Variants in LYPLAL1 observed in about 807,000 individuals in gnomAD.
LYPLAL1 encodes the protein lysophospholipase like 1.
In LYPLAL1, 23 loss-of-function variants were observed where a neutral mutation model predicts 19.7. The observed-to-expected ratio is 1.17, with a 90% CI of 0.84 to 1.65. LYPLAL1 has a LOEUF of 1.65. LYPLAL1 is among the 40% of genes most tolerant of loss of function. The pLI, the probability that LYPLAL1 is intolerant of heterozygous loss-of-function variation, is 0.00. For synonymous variants in LYPLAL1, 119 were observed against 96.3 expected, an observed-to-expected ratio of 1.24 and a Z score of -1.38; for missense variants, 355 against 279.4, an observed-to-expected ratio of 1.27 and a Z score of -1.93.
At chr1:219,305,045 C>A in the LYPLAL1 span, among the ~76,000 whole-genome samples, 1 of 152,190 alleles carries the variant, frequency 6.6e-6, no homozygotes, top group African/African-American at 2.4e-5. Context: ...ACATTACTCA[C>A]TGGTTCGGCA....
At chr1:219,267,601 T>C in the LYPLAL1 span, among the ~76,000 whole-genome samples, 1 of 152,204 alleles carries the variant, frequency 6.6e-6, no homozygotes, top group South Asian at 2.1e-4. Context: ...TCATTAATGT[T>C]TATAGAAATC....
At chr1:219,229,807 A>G in the LYPLAL1 span, among the ~76,000 whole-genome samples, 1 of 152,210 alleles carries the variant, frequency 6.6e-6, no homozygotes, top group South Asian at 2.1e-4. Flanking sequence ...CGAGGGGGAC[A>G]AGGGAACTTT....
At chr1:219,191,539 G>A (rs1657182853) in intron 2 of LYPLAL1, among the ~76,000 whole-genome samples, 1 of 151,556 alleles carries the variant, frequency 6.6e-6, no homozygotes, top group African/African-American at 2.4e-5. Flanking sequence ...AAAAGAAATA[G>A]TGTGCCAAGA....
At chr1:219,302,766 G>C in the LYPLAL1 span, among the ~76,000 whole-genome samples, 2 of 151,962 alleles carry the variant, frequency 1.3e-5, no homozygotes, top group African/African-American at 4.8e-5. Context: ...CTTTGTCTGG[G>C]ATGCCCACTT....
chr1:219,368,798 A>G, the LYPLAL1 span, among the ~76,000 whole-genome samples: 2 of 152,264 alleles, frequency 1.3e-5, no homozygotes, highest in Admixed American at 1.3e-4. Flanking sequence ...TTTACTATGT[A>G]CAATTCAAAC....
At chr1:219,229,291 T>C in the LYPLAL1 span, among the ~76,000 whole-genome samples, 1 of 110,300 alleles carries the variant, frequency 9.1e-6, no homozygotes, top group African/African-American at 4.1e-5. Flanking sequence ...AGGACAAGCA[T>C]TTTGAGAGAG....
chr1:219,307,903 T>G, the LYPLAL1 span, among the ~76,000 whole-genome samples: 1 of 152,228 alleles, frequency 6.6e-6, no homozygotes, highest in African/African-American at 2.4e-5. Context: ...CATATGGAAC[T>G]GTAAGTCCAA....
chr1:219,257,665 C>G, the LYPLAL1 span, among the ~76,000 whole-genome samples: 5 of 151,872 alleles, frequency 3.3e-5, no homozygotes, highest in Admixed American at 3.3e-4. Flanking sequence ...GATTGCAAGG[C>G]AAAGGGCAAA....
chr1:219,232,991 A>C, the LYPLAL1 span, among the ~76,000 whole-genome samples: 1 of 152,210 alleles, frequency 6.6e-6, no homozygotes, highest in South Asian at 2.1e-4. Context: ...TTCCTCAAAC[A>C]ATTAAAAATA....
chr1:219,369,020 C>A, the LYPLAL1 span, among the ~76,000 whole-genome samples: 2 of 152,184 alleles, frequency 1.3e-5, no homozygotes, highest in African/African-American at 4.8e-5. Flanking sequence ...TAACTTTGAA[C>A]AGGGGTGGGT....
At chr1:219,429,681 A>G in the LYPLAL1 span, among the ~76,000 whole-genome samples, 1 of 152,076 alleles carries the variant, frequency 6.6e-6, no homozygotes, top group African/African-American at 2.4e-5. Flanking sequence ...ATAAATAAAT[A>G]AGAAAGAAAT....
chr1:219,173,914 T>C lies in LYPLAL1; in HGVS notation c.24T>C (p.Val8=), dbSNP rs560228841. The C allele has an allele frequency of 1.9e-6, 3 of 1,613,590 alleles. No homozygotes were observed. The highest frequency in any genetic ancestry group is 1.7e-6 in the Non-Finnish European group (2 of 1,179,924). Residue 8 remains valine (V), a synonymous_variant, in exon 1 of 5, where the codon GTT becomes GTC. Coordinates refer to ENST00000366928, the MANE Select transcript of LYPLAL1 (RefSeq NM_138794.5). ...CGATGGCGGCTGCGTCGGGGTCGGT[T>C]CTGCAGCGCTGTATCGTGTCGCCGG... MAAASGS[V]LQRCIVSPAG... is the part of the protein sequence containing the mutation.
the LYPLAL1 span, among the ~76,000 whole-genome samples, chr1:219,294,829 G>A: frequency 6.6e-6 from 1 of 152,196 alleles, no homozygotes; most frequent in Admixed American, 6.5e-5. Context: ...TGTCCAGAGA[G>A]GGAAGTTGAA....
chr1:219,220,416 T>C, the LYPLAL1 span, among the ~76,000 whole-genome samples: 1 of 150,754 alleles, frequency 6.6e-6, no homozygotes, highest in African/African-American at 2.5e-5. Flanking sequence ...TAGTACCATC[T>C]ACCATTAGGG....
chr1:219,334,962 T>C, the LYPLAL1 span, among the ~76,000 whole-genome samples: 7 of 151,906 alleles, frequency 4.6e-5, no homozygotes, highest in African/African-American at 1.4e-4. Flanking sequence ...ACCATGCTTG[T>C]TTGTGCTCCC....
chr1:219,174,182 G>A (rs1655610083), intron 1 of LYPLAL1: 2 of 1,420,716 alleles, frequency 1.4e-6, no homozygotes, highest in Non-Finnish European at 1.8e-6. Flanking sequence ...TCTTTCTATC[G>A]GGCGGTCACT....
chr1:219,294,199 A>G, the LYPLAL1 span, among the ~76,000 whole-genome samples: 1 of 152,228 alleles, frequency 6.6e-6, no homozygotes, highest in African/African-American at 2.4e-5. Flanking sequence ...TGAGAGGGCA[A>G]ACAAATAACA....
At chr1:219,373,527 C>T in the LYPLAL1 span, among the ~76,000 whole-genome samples, 2 of 152,188 alleles carry the variant, frequency 1.3e-5, no homozygotes. Context: ...CCAGTGATTA[C>T]ATGATAAGAC....
the LYPLAL1 span, among the ~76,000 whole-genome samples, chr1:219,356,362 T>C: frequency 3.9e-5 from 6 of 152,022 alleles, no homozygotes; most frequent in Non-Finnish European, 8.8e-5. Flanking sequence ...TAGCTGGGCA[T>C]GGTGATGCGC....
Sources: allele counts gnomAD v4.1 joint callset (sites outside exome capture counted in the v4.1 genomes callset), GRCh38; gene constraint gnomAD v4.1.1; transcripts MANE v1.5; gene names NCBI Gene and HGNC (gene_info 2026-07-23, HGNC 2026-07-21).